Variants in DMRT1 observed in about 807,000 individuals in gnomAD.
DMRT1 encodes the protein doublesex- and mab-3-related transcription factor 1.
DMRT1 carries 7 observed loss-of-function variants against 32.3 expected under a neutral mutation model. The ratio of observed to expected loss-of-function variants is 0.22; its 90% confidence interval spans 0.12 to 0.41. The LOEUF (loss-of-function observed/expected upper bound fraction) is 0.41. Among genes scored for constraint, DMRT1 ranks in the 10% least tolerant of loss-of-function variants. The pLI, the probability that DMRT1 is intolerant of heterozygous loss-of-function variation, is 1.00. For missense variants in DMRT1, 625 were observed against 500.5 expected (o/e 1.25, Z -2.37); for synonymous variants, 278 against 206.1 (o/e 1.35, Z -2.99).
chr9:918,017 C>A (rs1229884516), intron 4 of DMRT1, among the ~76,000 whole-genome samples: 1 of 152,138 alleles, frequency 6.6e-6, no homozygotes. Context: ...GCCCATAGGT[C>A]CTTCTTTCAT....
intron 2 of DMRT1, among the ~76,000 whole-genome samples, chr9:854,702 A>G (rs941478233): frequency 6.6e-6 from 1 of 151,748 alleles, no homozygotes; most frequent in African/African-American, 2.4e-5. Context: ...AAAGCTTTTC[A>G]GATAAAAACA....
intron 4 of DMRT1, among the ~76,000 whole-genome samples, chr9:931,422 A>G (rs1818720881): frequency 6.6e-6 from 1 of 152,260 alleles, no homozygotes; most frequent in Admixed American, 6.5e-5. Flanking sequence ...GCATATGGAC[A>G]TTGAGCAGTC....
intron 3 of DMRT1, among the ~76,000 whole-genome samples, chr9:896,667 A>G (rs112814027): frequency 0.093 from 14,166 of 151,712 alleles, 1,092 homozygotes; most frequent in African/African-American, 0.2. Context: ...ACAAAAATTA[A>G]CTGGGCATGG....
At chr9:862,209 A>C (rs1256618079) in intron 2 of DMRT1, among the ~76,000 whole-genome samples, 5 of 151,500 alleles carry the variant, frequency 3.3e-5, no homozygotes, top group African/African-American at 7.3e-5. Flanking sequence ...CAGCCTGGGC[A>C]ACACTGAGCA....
intron 3 of DMRT1, among the ~76,000 whole-genome samples, chr9:910,196 A>G (rs1383507618): frequency 6.6e-6 from 1 of 152,224 alleles, no homozygotes; most frequent in East Asian, 1.9e-4. Context: ...GTCTTGAAGC[A>G]TGAAGAATCA....
intron 2 of DMRT1, among the ~76,000 whole-genome samples, chr9:870,710 T>TTTTTTTTC (rs1816209394): frequency 4.1e-5 from 1 of 24,198 alleles, no homozygotes; most frequent in Non-Finnish European, 1.1e-4. Flanking sequence ...TTTTCTTGAC[T>TTTTTTTTC]TTTTTTTTTT....
Position 924,070 on chromosome 9 carries a change from CTT to C in DMRT1, c.967+7180_967+7181del, listed in dbSNP as rs1554757297. Among the ~76,000 whole-genome samples, 177 of 87,036 alleles carry C rather than the reference CTT, an allele frequency of 2.0e-3. 1 individual carries two copies. Among genetic ancestry groups the C allele is most frequent in the African/African-American group, 3.2e-3 (89 of 27,898 alleles). 57.1% of individuals were successfully genotyped at this position (87,036 alleles called of 152,430 possible). On this transcript the variant is annotated intron_variant, in intron 4 of 4. Coordinates refer to ENST00000382276, the MANE Select transcript of DMRT1 (RefSeq NM_021951.3). ...GAGCCAGTAGTAAGATGATCAATCTCTTTTTTTTTTTTTTTTTTCCACCTGGA... is the reference window on the plus strand; with the variant it reads ...GAGCCAGTAGTAAGATGATCAATCTCTTTTTTTTTTTTTTTTCCACCTGGA...
At chr9:966,111 G>C (rs1386112124) in intron 4 of DMRT1, among the ~76,000 whole-genome samples, 1 of 152,212 alleles carries the variant, frequency 6.6e-6, no homozygotes, top group South Asian at 2.1e-4. Context: ...GCTGCCTTTG[G>C]AAAACATTTC....
At chr9:944,995 A>C (rs955251645) in intron 4 of DMRT1, among the ~76,000 whole-genome samples, 2 of 152,140 alleles carry the variant, frequency 1.3e-5, no homozygotes, top group Admixed American at 1.3e-4. Context: ...CTGTCAGATA[A>C]AGCAGCTGTA....
chr9:922,980 C>T (rs1818403957), intron 4 of DMRT1, among the ~76,000 whole-genome samples: 1 of 152,162 alleles, frequency 6.6e-6, no homozygotes, highest in Admixed American at 6.5e-5. Context: ...GCAGAGGCCT[C>T]TGTGCTCCCA....
intron 2 of DMRT1, among the ~76,000 whole-genome samples, chr9:883,867 G>A (rs1816827570): frequency 6.6e-6 from 1 of 152,002 alleles, no homozygotes; most frequent in Non-Finnish European, 1.5e-5. Flanking sequence ...AGTATTAGTT[G>A]GTGATGGATA....
intron 3 of DMRT1, 85 bp downstream of exon 3, chr9:894,280 C>G (rs1268576057): frequency 5.5e-6 from 8 of 1,449,534 alleles, no homozygotes; most frequent in Non-Finnish European, 7.7e-6. Context: ...CACAGAGGCA[C>G]ACACGCACTT....
At chr9:952,744 G>A (rs2129961553) in intron 4 of DMRT1, among the ~76,000 whole-genome samples, 1 of 152,292 alleles carries the variant, frequency 6.6e-6, no homozygotes, top group Non-Finnish European at 1.5e-5. Context: ...TGAACCAAGT[G>A]TGAAAATACC....
intron 3 of DMRT1, among the ~76,000 whole-genome samples, chr9:898,478 G>A (rs1186878011): frequency 6.6e-6 from 1 of 152,118 alleles, no homozygotes; most frequent in Non-Finnish European, 1.5e-5. Context: ...TCCTCACTTC[G>A]CTTTTTCTGC....
At position 841,879 on chromosome 9, in the gene DMRT1, C is replaced by G; in HGVS notation, c.41C>G (p.Ser14Trp). ...GCATTCAGCAAGCCCTCTACACCGTCGGAAGCCCCTCACGCCCCCGGGGTA... is the reference window on the plus strand; with the variant it reads ...GCATTCAGCAAGCCCTCTACACCGTGGGAAGCCCCTCACGCCCCCGGGGTA... ...DEAFSKPSTP[S>W]EAPHAPGVPP... Residue 14 changes from serine to tryptophan, a missense_variant, in exon 1 of 5, where the codon TCG (serine) becomes TGG (tryptophan). Physicochemically the swap from Ser to Trp is radical, Grantham distance 177 (BLOSUM62 -3). Transcript: ENST00000382276. 1.2e-6 allele frequency: 2 copies of G among 1,612,524 alleles called. No homozygotes were observed. Among genetic ancestry groups the G allele is most frequent in the South Asian group, 1.1e-5 (1 of 90,942 alleles).
Position 913,208 on chromosome 9 carries a change from A to C in DMRT1, c.823-3555A>C, listed in dbSNP as rs371783970. 2.0e-5 allele frequency among the ~76,000 whole-genome samples: 3 copies of C among 152,348 alleles called. No individual in the cohort carries two copies. The East Asian group carries it at 5.8e-4, about 29-fold the overall frequency. On this transcript the variant is annotated intron_variant, in intron 3 of 4. Transcript: ENST00000382276. ...ATCTGTTTTCTTGTACCCTGGCAAA[A>C]TTGAAAAGCATTTTCCTTGAAGAAC...
intron 2 of DMRT1, among the ~76,000 whole-genome samples, chr9:878,271 G>C (rs1816593389): frequency 8.0e-6 from 1 of 124,776 alleles, no homozygotes. Context: ...CTTCTCAAAA[G>C]CAGAGTCGAA....
Position 842,330 on chromosome 9 carries a change from G to A in DMRT1, c.354+138G>A, listed in dbSNP as rs1169302954. On this transcript the variant is annotated intron_variant, in intron 1 of 4. Coordinates refer to ENST00000382276, the MANE Select transcript of DMRT1 (RefSeq NM_021951.3). The stretch of plus-strand genomic sequence containing the variant: ...GCTCACTGCAACCTCCGCTTCCCGG[G>A]TTCAAGCAATTCTCCTGCCTCAGCC... The A allele has an allele frequency of 6.1e-6, 7 of 1,153,394 alleles. No individual in the cohort carries two copies. The Admixed American group carries it at 7.5e-5, about 12-fold the overall frequency. The allele number at this position is 1,153,394 out of a possible 1,614,324, so 71.4% of individuals were successfully genotyped here. A position where few individuals can be genotyped will look rare whatever the true frequency, so the allele number is the denominator to read the frequency against.
intron 4 of DMRT1, among the ~76,000 whole-genome samples, chr9:928,467 C>G (rs1224088095): frequency 6.6e-6 from 1 of 152,172 alleles, no homozygotes; most frequent in Non-Finnish European, 1.5e-5. Flanking sequence ...GCCATACTCT[C>G]TGCCTCTTAG....
Sources: allele counts gnomAD v4.1 joint callset (sites outside exome capture counted in the v4.1 genomes callset), GRCh38; gene constraint gnomAD v4.1.1; transcripts MANE v1.5; gene names NCBI Gene and HGNC (gene_info 2026-07-23, HGNC 2026-07-21).